The following NISCH variants were observed in gnomAD, a reference collection of about 807,000 sequenced individuals.
NISCH encodes I-1 receptor candidate protein.
Under a neutral mutation model 138.4 loss-of-function variants are expected in NISCH, and 55 were observed. The observed-to-expected ratio is 0.40, with a 90% CI of 0.32 to 0.50. The LOEUF (loss-of-function observed/expected upper bound fraction) is 0.50. Among genes scored for constraint, NISCH ranks in the 20% least tolerant of loss-of-function variants. The pLI, the probability that NISCH is intolerant of heterozygous loss-of-function variation, is 0.71. For missense variants in NISCH, 1,643 were observed against 2,005.5 expected, an observed-to-expected ratio of 0.82 and a Z score of 3.45; for synonymous variants, 860 against 861.5, an observed-to-expected ratio of 1.00 and a Z score of 0.03.
chr3:52,492,319 T>C lies in NISCH; in HGVS notation c.4352T>C (p.Phe1451Ser). 6.2e-7 allele frequency: 1 copy of C among 1,613,414 alleles called. No homozygotes were observed. The highest frequency in any genetic ancestry group is 8.5e-7 in the Non-Finnish European group (1 of 1,180,036). The change falls in exon 21 of 21, where the codon TTT becomes TCT. Residue 1451 changes from phenylalanine to serine, a missense_variant. Physicochemically the swap from Phe to Ser is radical, Grantham distance 155 (BLOSUM62 -2). Transcript: ENST00000345716. ...ATGGGCAGTGTCACCCTGGACCACT[T>C]TGGGGAGGTGCCAGGTGGCCCGGCT... The part of the protein sequence containing the change: ...DLMGSVTLDH[F>S]GEVPGGPARA...
At position 52,487,391 on chromosome 3, in the gene NISCH, T is replaced by G. The variant is rs942792287; in HGVS notation, c.1899T>G (p.Gly633=). 6.2e-7 allele frequency: 1 copy of G among 1,612,986 alleles called. No homozygotes were observed. The highest frequency in any genetic ancestry group is 8.5e-7 in the Non-Finnish European group (1 of 1,179,732). The change falls in exon 16 of 21, where the codon GGT becomes GGG. Residue 633 remains glycine (G), a synonymous_variant. Transcript: ENST00000345716. The surrounding 1 kb of genome is among the most constrained non-coding windows in gnomAD (Gnocchi z 9.1). ...EAANQREEGQ[G]EQGEEEDEEE... The stretch of plus-strand genomic sequence containing the variant: ...CCAACCAGCGGGAGGAGGGCCAGGG[T>G]GAACAGGGCGAGGAGGAGGATGAGG...
In NISCH at chr3:52,492,425, G is replaced by C. The variant is rs978349042; in HGVS notation, c.4458G>C (p.Leu1486Phe). Residue 1486 changes from leucine to phenylalanine, a missense_variant, in exon 21 of 21, where the codon TTG (leucine) becomes TTC (phenylalanine). Transcript: ENST00000345716. ...AESREKLISL[L>F]ARQWEALCGR... ...GCAGAGAGAAGCTCATCTCGCTGTTGGCTCGCCAGTGGGAGGCCCTGTGTG... is the reference window on the plus strand; with the variant it reads ...GCAGAGAGAAGCTCATCTCGCTGTTCGCTCGCCAGTGGGAGGCCCTGTGTG... The C allele has an allele frequency of 6.2e-7, 1 of 1,612,508 alleles. No homozygotes were observed. The highest frequency in any genetic ancestry group is 8.5e-7 in the Non-Finnish European group (1 of 1,179,886).
rs1042961476 is a variant in NISCH at position 52,487,028 on chromosome 3, C to G, written c.1704-168C>G. On this transcript the variant is annotated intron_variant, in intron 15 of 20. Transcript: ENST00000345716. This position sits in a 1 kb window ranked among gnomAD's most constrained non-coding sequence, Gnocchi z 9.1. ...AGCCTTCCAGCAGGCAGCACTGGCT[C>G]CCACCAGGGCCCTCATCCTGGGAAC... Among the ~76,000 whole-genome samples the G allele has an allele frequency of 1.3e-5, 2 of 152,190 alleles. No homozygotes were observed. The highest frequency in any genetic ancestry group is 4.8e-5 in the African/African-American group (2 of 41,442).
chr3:52,484,462 T>TGGGGCCCCC, intron 13 of NISCH, 51 bp from the exon 14 acceptor site: 28 of 788,670 alleles, frequency 3.6e-5, no homozygotes, highest in Non-Finnish European at 4.4e-5. Flanking sequence ...ACAGCCGCTC[T>TGGGGCCCCC]CCCCGCCCCA....
intron 2 of NISCH, 112 bp downstream of exon 2, chr3:52,458,038 C>CCTG: frequency 1.4e-6 from 1 of 724,814 alleles, no homozygotes; most frequent in Non-Finnish European, 2.5e-6. Context: ...CTCTATAGTT[C>CCTG]TTTAATAAAC....
chr3:52,489,277 T>G (rs1442841151), intron 16 of NISCH, 59 bp from the exon 17 acceptor site: 71 of 1,564,196 alleles, frequency 4.5e-5, no homozygotes, highest in Non-Finnish European at 6.1e-5. Flanking sequence ...AAGCTGCACA[T>G]GCGATGTGAA....
intron 12 of NISCH, 62 bp downstream of exon 12, chr3:52,479,924 T>C (rs4687618): frequency 0.95 from 1,298,922 of 1,362,576 alleles, 619,357 homozygotes; most frequent in African/African-American, 0.99. Flanking sequence ...GGAGCCAGTT[T>C]GGGGGGCTTG....
intron 6 of NISCH, among the ~76,000 whole-genome samples, chr3:52,473,457 C>T (rs142281710): frequency 6.6e-6 from 1 of 152,340 alleles, no homozygotes; most frequent in African/African-American, 2.4e-5. Context: ...TTATGTTCAC[C>T]TGCCAAGCCC....
rs539752361 is a variant in NISCH, at chr3:52,484,445, T to A, written c.1529-68T>A. ...AGTAGCCTGAGGGGCCCAGCCCCACTTGTTGAACAGCCGCTCTCCCCGCCC... is the reference window on the plus strand; with the variant it reads ...AGTAGCCTGAGGGGCCCAGCCCCACATGTTGAACAGCCGCTCTCCCCGCCC... On this transcript the variant is annotated intron_variant, in intron 13 of 20. Coordinates refer to ENST00000345716, the MANE Select transcript of NISCH (RefSeq NM_007184.4). 353 of 1,461,986 alleles carry A rather than the reference T, an allele frequency of 2.4e-4. 14 individuals carry two copies. The South Asian group carries it at 4.5e-3, about 19-fold the overall frequency. The allele number at this position is 1,461,986 out of a possible 1,614,324, so 90.6% of individuals were successfully genotyped here. A position where few individuals can be genotyped will look rare whatever the true frequency, so the allele number is the denominator to read the frequency against.
intron 3 of NISCH, among the ~76,000 whole-genome samples, chr3:52,462,139 C>T (rs1687935538): frequency 6.6e-6 from 1 of 152,150 alleles, no homozygotes; most frequent in African/African-American, 2.4e-5. Flanking sequence ...GAAGTTTTGA[C>T]ATATTTGGAA....
At chr3:52,484,486 C>CCCCCCCT in intron 13 of NISCH, 27 bp from the exon 14 acceptor site, 1 of 1,406,406 alleles carries the variant, frequency 7.1e-7, no homozygotes, top group South Asian at 1.4e-5. Flanking sequence ...ACCCTGCCTG[C>CCCCCCCT]CTGCCCACCC....
intron 3 of NISCH, among the ~76,000 whole-genome samples, chr3:52,460,585 G>A (rs1706605969): frequency 6.6e-6 from 1 of 151,916 alleles, no homozygotes; most frequent in Non-Finnish European, 1.5e-5. Context: ...AAATTTTTTT[G>A]TAGAGATGGG....
Position 52,470,401 on chromosome 3 carries a change from C to T in NISCH, c.361-458C>T, listed in dbSNP as rs186958087. On this transcript the variant is annotated intron_variant, in intron 3 of 20. Transcript: ENST00000345716. ...AAACGTGAGAGGAAGTGGAAATGGTCATTCCCAGGGAGGGTTAGCTCTGGG... is the reference window on the plus strand; with the variant it reads ...AAACGTGAGAGGAAGTGGAAATGGTTATTCCCAGGGAGGGTTAGCTCTGGG... Among the ~76,000 whole-genome samples the T allele has an allele frequency of 8.5e-5, 13 of 152,302 alleles. No individual in the cohort carries two copies. The East Asian group carries it at 2.1e-3, about 25-fold the overall frequency.
chr3:52,455,774 C>T, intron 1 of NISCH, 40 bp downstream of exon 1: 1 of 1,308,908 alleles, frequency 7.6e-7, no homozygotes, highest in Non-Finnish European at 9.9e-7. Flanking sequence ...GGGGTGGTGG[C>T]TGGAACCGGG....
At chr3:52,484,462 T>TCA in intron 13 of NISCH, 51 bp from the exon 14 acceptor site, 3 of 788,670 alleles carry the variant, frequency 3.8e-6, no homozygotes, top group Non-Finnish European at 1.8e-6. Context: ...ACAGCCGCTC[T>TCA]CCCCGCCCCA....
At chr3:52,460,775 G>A (rs75009012) in intron 3 of NISCH, among the ~76,000 whole-genome samples, 5,121 of 152,188 alleles carry the variant, frequency 0.034, 289 homozygotes, top group African/African-American at 0.11. Context: ...GAAGGTTTAC[G>A]TATACCAAAA....
chr3:52,491,717 C>G, intron 20 of NISCH, 155 bp from the exon 21 acceptor site: 1 of 1,112,462 alleles, frequency 9.0e-7, no homozygotes, highest in South Asian at 1.5e-5. Context: ...ATCTCCAGTG[C>G]CTGCTTTGGG....
At chr3:52,467,389 A>G (rs1218783984) in intron 3 of NISCH, among the ~76,000 whole-genome samples, 1 of 152,154 alleles carries the variant, frequency 6.6e-6, no homozygotes. Flanking sequence ...GGGGTAGGGC[A>G]TGTGGGCTCG....
intron 1 of NISCH, among the ~76,000 whole-genome samples, chr3:52,456,003 A>C (rs1706455148): frequency 8.3e-6 from 1 of 119,996 alleles, no homozygotes; most frequent in Admixed American, 8.7e-5. Context: ...GCATCTGGGG[A>C]TAAAGGGGGC....
Sources: gnomAD v4.1 joint callset for allele counts (sites outside exome capture counted in the v4.1 genomes callset) on GRCh38, gnomAD v4.1.1 for gene constraint, Gnocchi (gnomAD v3.1) non-coding constraint, MANE v1.5 for transcripts, NCBI Gene and HGNC (gene_info 2026-07-23, HGNC 2026-07-21) for gene names.